Variants in TNRC6B observed in about 807,000 individuals in gnomAD.
TNRC6B encodes trinucleotide repeat containing adaptor 6B.
In TNRC6B, 52 loss-of-function variants were observed where a neutral mutation model predicts 203.6. That is an observed-to-expected ratio of 0.26 (90% CI 0.20 to 0.32). The LOEUF (loss-of-function observed/expected upper bound fraction) is 0.32. TNRC6B is among the 10% of genes least tolerant of loss of function. The probability of loss-of-function intolerance (pLI) is 1.00; values close to 1 mark genes in which losing one functional copy is unlikely to be tolerated. For missense variants in TNRC6B, 1,923 were observed against 2,286.2 expected, an observed-to-expected ratio of 0.84 and a Z score of 3.24; for synonymous variants, 838 against 845.7, an observed-to-expected ratio of 0.99 and a Z score of 0.16.
chr22:40,263,136 C>G (rs1340555132), intron 4 of TNRC6B, among the ~76,000 whole-genome samples: 2 of 151,702 alleles, frequency 1.3e-5, no homozygotes, highest in African/African-American at 4.8e-5. Flanking sequence ...AGTTTATTAA[C>G]AGATTTCAAC....
intron 1 of TNRC6B, among the ~76,000 whole-genome samples, chr22:40,061,266 G>A (rs1384026778): frequency 1.3e-5 from 2 of 152,172 alleles, no homozygotes; most frequent in Non-Finnish European, 2.9e-5. Flanking sequence ...TCGGGCTGGA[G>A]TGCAATGGTG....
intron 3 of TNRC6B, among the ~76,000 whole-genome samples, chr22:40,136,810 A>G (rs1269007576): frequency 6.6e-6 from 1 of 152,186 alleles, no homozygotes; most frequent in Non-Finnish European, 1.5e-5. Flanking sequence ...TAATTACTGC[A>G]AATAAATATT....
At position 40,110,412 on chromosome 22, in the gene TNRC6B, C is replaced by A. The variant is rs561542424; in HGVS notation, c.-120-6643C>A. Among the ~76,000 whole-genome samples, 4 of 152,340 alleles carry A rather than the reference C, an allele frequency of 2.6e-5. No homozygotes were observed. The South Asian group carries it at 8.3e-4, about 32-fold the overall frequency. ...AGTAAAGCTGGTTGAGTTGAATCTG[C>A]TGTTTCAGTAGCTGCCTCTGCTGTT... is the stretch of plus-strand genomic sequence containing the variant. On this transcript the variant is annotated intron_variant, in intron 1 of 23. Transcript: ENST00000301923.
At chr22:40,303,927 C>T (rs2146553061) in intron 15 of TNRC6B, among the ~76,000 whole-genome samples, 1 of 152,158 alleles carries the variant, frequency 6.6e-6, no homozygotes, top group South Asian at 2.1e-4. Context: ...ATTTTTTTTC[C>T]TTAGTTAGCA....
intron 8 of TNRC6B, among the ~76,000 whole-genome samples, chr22:40,277,554 A>G (rs149836290): frequency 2.2e-4 from 33 of 152,354 alleles, no homozygotes; most frequent in African/African-American, 6.3e-4. Context: ...TGATTTCTTT[A>G]TCTCTCGGCA....
intron 1 of TNRC6B, among the ~76,000 whole-genome samples, chr22:40,095,263 C>T (rs2068178630): frequency 1.3e-5 from 2 of 152,048 alleles, no homozygotes; most frequent in South Asian, 4.1e-4. Flanking sequence ...TTTATTTTTT[C>T]CTACACACCA....
At chr22:40,157,237 C>T (rs1156936701) in intron 4 of TNRC6B, among the ~76,000 whole-genome samples, 8 of 152,076 alleles carry the variant, frequency 5.3e-5, no homozygotes. Context: ...GTTAAGACTG[C>T]TTAAAGTACT....
chr22:40,282,987 A>G (rs911730421), intron 11 of TNRC6B, among the ~76,000 whole-genome samples: 1 of 151,982 alleles, frequency 6.6e-6, no homozygotes, highest in Admixed American at 6.6e-5. Flanking sequence ...TAGCACATAT[A>G]CAAGTGCCTT....
At chr22:40,308,372 G>A in intron 15 of TNRC6B, 140 bp from the exon 16 acceptor site, 1 of 971,298 alleles carries the variant, frequency 1.0e-6, no homozygotes, top group Non-Finnish European at 1.6e-6. Flanking sequence ...TCAAAGCTTG[G>A]AATCAAAAAT....
At position 40,332,492 on chromosome 22, in the gene TNRC6B, T is replaced by C. The variant is rs1215114045; in HGVS notation, c.*9251T>C. On this transcript the variant is annotated 3_prime_UTR_variant, in exon 23 of 23. Transcript: ENST00000454349. ...TAGGCATTATTTGCAACACACAGTA[T>C]CGTAAGCGAGAGATTGTTCTGCCTA... The C allele has an allele frequency of 6.6e-6, 1 of 152,636 alleles. No individual in the cohort carries two copies. Among genetic ancestry groups the C allele is most frequent in the East Asian group, 1.9e-4 (1 of 5,188 alleles). The allele number at this position is 152,636 out of a possible 1,614,324, so 9.5% of individuals were successfully genotyped here. A position where few individuals can be genotyped will look rare whatever the true frequency, so the allele number is the denominator to read the frequency against.
chr22:40,066,507 T>G (rs2067894573), intron 1 of TNRC6B, among the ~76,000 whole-genome samples: 1 of 152,108 alleles, frequency 6.6e-6, no homozygotes, highest in South Asian at 2.1e-4. Flanking sequence ...TGTTTTCAGG[T>G]CTGGATATGT....
At chr22:40,262,300 G>C (rs2070399016) in intron 4 of TNRC6B, 127 bp downstream of exon 4, 2 of 856,176 alleles carry the variant, frequency 2.3e-6, no homozygotes, top group African/African-American at 3.4e-5. Context: ...CAAAAGATGA[G>C]AGAGGATCCT....
At chr22:40,159,806 G>C (rs748221672) in intron 4 of TNRC6B, among the ~76,000 whole-genome samples, 1 of 151,768 alleles carries the variant, frequency 6.6e-6, no homozygotes, top group Non-Finnish European at 1.5e-5. Context: ...GATATTTTCA[G>C]TCTATTTCTT....
intron 1 of TNRC6B, among the ~76,000 whole-genome samples, chr22:40,207,077 C>T (rs2069488373): frequency 6.6e-6 from 1 of 152,116 alleles, no homozygotes; most frequent in Admixed American, 6.5e-5. Context: ...CTTAGAGCTG[C>T]ATCACTTCAG....
At chr22:40,287,260 C>A (rs564675365) in intron 12 of TNRC6B, among the ~76,000 whole-genome samples, 1 of 152,232 alleles carries the variant, frequency 6.6e-6, no homozygotes, top group Non-Finnish European at 1.5e-5. Flanking sequence ...CCTTCCACCT[C>A]AGCCTCCCAA....
intron 12 of TNRC6B, among the ~76,000 whole-genome samples, chr22:40,289,044 C>T (rs1311245683): frequency 6.7e-6 from 1 of 149,492 alleles, no homozygotes; most frequent in Non-Finnish European, 1.5e-5. Flanking sequence ...GGACTCTTGA[C>T]CTCAAGTGAT....
intron 1 of TNRC6B, among the ~76,000 whole-genome samples, chr22:40,091,885 T>A (rs943737359): frequency 1.3e-5 from 2 of 152,224 alleles, no homozygotes; most frequent in African/African-American, 4.8e-5. Flanking sequence ...GTGTGAGACT[T>A]GAATTCATAC....
intron 15 of TNRC6B, among the ~76,000 whole-genome samples, chr22:40,304,181 T>C (rs1295829589): frequency 6.6e-6 from 1 of 152,228 alleles, no homozygotes; most frequent in Non-Finnish European, 1.5e-5. Context: ...TAATTGAAAG[T>C]TTCTTAATAT....
intron 16 of TNRC6B, among the ~76,000 whole-genome samples, chr22:40,308,934 G>A (rs1457055568): frequency 6.6e-6 from 1 of 152,272 alleles, no homozygotes; most frequent in Non-Finnish European, 1.5e-5. Context: ...TGAGGGAACA[G>A]AGTCAGCTTG....
Sources: gnomAD v4.1 joint callset for allele counts (sites outside exome capture counted in the v4.1 genomes callset) on GRCh38, gnomAD v4.1.1 for gene constraint, MANE v1.5 for transcripts, NCBI Gene and HGNC (gene_info 2026-07-23, HGNC 2026-07-21) for gene names.